Variants in LMCD1 observed in about 807,000 individuals in gnomAD.
LMCD1 encodes the protein LIM and cysteine rich domains 1.
In LMCD1, 32 loss-of-function variants were observed where a neutral mutation model predicts 42.7. That is an observed-to-expected ratio of 0.75 (90% CI 0.57 to 1.01). The LOEUF (loss-of-function observed/expected upper bound fraction) is 1.01. Ranked by LOEUF, LMCD1 falls within the 50% of genes least tolerant of loss-of-function variation. The pLI, the probability that LMCD1 is intolerant of heterozygous loss-of-function variation, is 0.00. For synonymous variants in LMCD1, 178 were observed against 184.9 expected, an observed-to-expected ratio of 0.96 and a Z score of 0.30; for missense variants, 458 against 483.1, an observed-to-expected ratio of 0.95 and a Z score of 0.49.
intron 4 of LMCD1, among the ~76,000 whole-genome samples, chr3:8,559,740 G>T (rs1403207430): frequency 6.6e-6 from 1 of 152,186 alleles, no homozygotes; most frequent in Non-Finnish European, 1.5e-5. Context: ...ACAACCTCAG[G>T]TCTCTCATCC....
chr3:8,544,206 C>G (rs1367970637), intron 3 of LMCD1, among the ~76,000 whole-genome samples: 3 of 152,108 alleles, frequency 2.0e-5, no homozygotes, highest in Non-Finnish European at 4.4e-5. Context: ...CGGTCAGAAC[C>G]CTAGGGATTA....
At chr3:8,527,377 A>G (rs1694320126) in intron 1 of LMCD1, among the ~76,000 whole-genome samples, 1 of 152,186 alleles carries the variant, frequency 6.6e-6, no homozygotes, top group African/African-American at 2.4e-5. Flanking sequence ...TCATCTTTTG[A>G]CTGGGAATAA....
chr3:8,547,804 T>G (rs979432353), intron 3 of LMCD1, among the ~76,000 whole-genome samples: 41 of 151,770 alleles, frequency 2.7e-4, no homozygotes, highest in Non-Finnish European at 8.8e-5. Context: ...GAGAATGGCG[T>G]GAACCCGGGA....
rs143907741 is a variant in LMCD1 at position 8,537,262 on chromosome 3, G to C, written c.209G>C (p.Gly70Ala). The C allele has an allele frequency of 6.3e-4, 1,013 of 1,614,124 alleles. No individual in the cohort carries two copies. The highest frequency in any genetic ancestry group is 8.0e-4 in the Non-Finnish European group (941 of 1,180,000). ...TSDLEDDRKIGRLLMDSKYST... is the reference protein window; with the variant it reads ...TSDLEDDRKIARLLMDSKYST... Reference sequence around the variant, plus strand: ...GACCTAGAAGACGATCGGAAAATTGGCCGCTTGCTGATGGACTCCAAGTAT... The same window carrying C: ...GACCTAGAAGACGATCGGAAAATTGCCCGCTTGCTGATGGACTCCAAGTAT... Residue 70 changes from glycine to alanine, a missense_variant, in exon 3 of 6, where the codon GGC becomes GCC. Coordinates refer to ENST00000157600, the MANE Select transcript of LMCD1 (RefSeq NM_014583.4).
At chr3:8,560,774 A>T (rs1403371389) in intron 4 of LMCD1, among the ~76,000 whole-genome samples, 1 of 152,182 alleles carries the variant, frequency 6.6e-6, no homozygotes, top group Non-Finnish European at 1.5e-5. Flanking sequence ...AGTCTCAATC[A>T]TGTGAAGAGG....
chr3:8,514,024 C>T (rs912738382), intron 1 of LMCD1, among the ~76,000 whole-genome samples: 5 of 151,956 alleles, frequency 3.3e-5, no homozygotes, highest in African/African-American at 1.2e-4. Context: ...GAAATAGATG[C>T]TTTGACCTTC....
chr3:8,553,784 C>CA (rs1354482977), intron 4 of LMCD1, among the ~76,000 whole-genome samples: 1 of 152,208 alleles, frequency 6.6e-6, no homozygotes, highest in African/African-American at 2.4e-5. Context: ...ACCAAGTTGT[C>CA]AGAGTTGCCC....
intron 4 of LMCD1, among the ~76,000 whole-genome samples, chr3:8,555,483 C>T (rs934155952): frequency 6.6e-6 from 1 of 152,132 alleles, no homozygotes; most frequent in Non-Finnish European, 1.5e-5. Flanking sequence ...ATCCCTGCTC[C>T]CCACAGTCCC....
intron 4 of LMCD1, chr3:8,550,518 C>T: frequency 1.0e-6 from 1 of 985,144 alleles, no homozygotes; most frequent in Non-Finnish European, 1.2e-6. Flanking sequence ...TCCTCCATCT[C>T]CAAGCCCCAT....
chr3:8,504,722 T>C (rs1452360844), intron 1 of LMCD1, among the ~76,000 whole-genome samples: 1 of 152,192 alleles, frequency 6.6e-6, no homozygotes, highest in African/African-American at 2.4e-5. Flanking sequence ...ACCATCTTTT[T>C]TTTTCTATTA....
At chr3:8,540,944 ACTT>A (rs1374010342) in intron 3 of LMCD1, among the ~76,000 whole-genome samples, 4 of 152,008 alleles carry the variant, frequency 2.6e-5, no homozygotes, top group African/African-American at 9.6e-5. Flanking sequence ...TTTCCCATTG[ACTT>A]CTTATCGGCC....
chr3:8,544,364 G>C lies in LMCD1; in HGVS notation c.388-4204G>C, dbSNP rs141192474. ...CAGGTCTTCTCTTCTGTCTGAGAAA[G>C]CACCTTGAAAAGCATTCAGAGGTGT... On this transcript the variant is annotated intron_variant, in intron 3 of 5. Transcript: ENST00000157600. Among the ~76,000 whole-genome samples, 4 of 152,200 alleles carry C rather than the reference G, an allele frequency of 2.6e-5. No individual in the cohort carries two copies. In the East Asian group the frequency reaches 7.7e-4, roughly 29 times the overall value.
chr3:8,548,521 G>A, intron 3 of LMCD1, 47 bp from the exon 4 acceptor site: 1 of 1,358,576 alleles, frequency 7.4e-7, no homozygotes, highest in Non-Finnish European at 1.0e-6. Flanking sequence ...TTTGACTGAT[G>A]AAGCCCCATC....
intron 1 of LMCD1, among the ~76,000 whole-genome samples, chr3:8,531,904 C>A (rs1559349745): frequency 1.3e-5 from 2 of 152,172 alleles, no homozygotes. Flanking sequence ...ACCCCAACCC[C>A]AATGGAGAGT....
Position 8,567,473 on chromosome 3 carries a change from G to A in LMCD1, c.973G>A (p.Asp325Asn). 6.2e-7 allele frequency: 1 copy of A among 1,614,070 alleles called. No homozygotes were observed. Among genetic ancestry groups the A allele is most frequent in the Non-Finnish European group, 8.5e-7 (1 of 1,180,016 alleles). Residue 325 changes from aspartate (D) to asparagine (N), a missense_variant, in exon 6 of 6, where the codon GAT becomes AAT. Asp to Asn is a conservative substitution (Grantham distance 23, BLOSUM62 1). Transcript: ENST00000157600. The stretch of plus-strand genomic sequence containing the variant: ...CGCTGAGGACTACCAGCGTGTGGAA[G>A]ATCTGGCCTGGCACCGAAAGCACTT... ...IFAEDYQRVEDLAWHRKHFVC... is the reference protein window; with the variant it reads ...IFAEDYQRVENLAWHRKHFVC...
At chr3:8,561,265 G>A (rs1695028854) in intron 4 of LMCD1, among the ~76,000 whole-genome samples, 1 of 152,142 alleles carries the variant, frequency 6.6e-6, no homozygotes, top group Non-Finnish European at 1.5e-5. Context: ...TTTAGGAGAT[G>A]TGAGCCAAGA....
intron 1 of LMCD1, among the ~76,000 whole-genome samples, chr3:8,522,759 A>G (rs1574952651): frequency 6.6e-6 from 1 of 152,222 alleles, no homozygotes; most frequent in East Asian, 1.9e-4. Context: ...GGAAAAACTA[A>G]TCCTGAGAGA....
At chr3:8,509,820 A>T (rs1693959081) in intron 1 of LMCD1, among the ~76,000 whole-genome samples, 1 of 152,166 alleles carries the variant, frequency 6.6e-6, no homozygotes, top group Admixed American at 6.5e-5. Context: ...CAGTTGTCAC[A>T]TTTTAAATAG....
At chr3:8,522,775 G>GA (rs1694231564) in intron 1 of LMCD1, among the ~76,000 whole-genome samples, 1 of 151,502 alleles carries the variant, frequency 6.6e-6, no homozygotes, top group African/African-American at 2.4e-5. Context: ...AGAGAGGAAA[G>GA]AAAAAAAGGA....
Sources: gnomAD v4.1 joint callset for allele counts (sites outside exome capture counted in the v4.1 genomes callset) on GRCh38, gnomAD v4.1.1 for gene constraint, MANE v1.5 for transcripts, NCBI Gene and HGNC (gene_info 2026-07-23, HGNC 2026-07-21) for gene names.